AGL: variants seen among roughly 807,000 people sequenced by gnomAD.
The protein encoded by AGL is amylo-alpha-1,6-glucosidase and 4-alpha-glucanotransferase, also known as glycogen debranching enzyme.
A neutral mutation model predicts 199.3 loss-of-function variants in AGL; 128 were observed. The ratio of observed to expected loss-of-function variants is 0.64; its 90% CI spans 0.56 to 0.74. The LOEUF is 0.74. Among genes scored for constraint, AGL ranks in the 30% least tolerant of loss-of-function variants. The pLI is 0.00. For missense variants in AGL, 1,809 were observed against 1,820.8 expected (o/e 0.99, Z 0.12); for synonymous variants, 584 against 594.7 (o/e 0.98, Z 0.26).
intron 25 of AGL, among the ~76,000 whole-genome samples, chr1:99,896,731 G>GTT (rs1653355227): frequency 2.0e-5 from 3 of 152,120 alleles, no homozygotes; most frequent in Non-Finnish European, 2.9e-5. Flanking sequence ...AAGTCTTGAT[G>GTT]TTTCCCTCTA....
intron 5 of AGL, among the ~76,000 whole-genome samples, chr1:99,869,905 C>CT (rs1359583978): frequency 6.6e-6 from 1 of 152,154 alleles, no homozygotes; most frequent in African/African-American, 2.4e-5. Flanking sequence ...ATCCAACCTC[C>CT]ACTCCCACAA....
intron 17 of AGL, 26 bp downstream of exon 17, chr1:99,881,717 G>T: frequency 1.9e-6 from 3 of 1,580,760 alleles, no homozygotes; most frequent in Non-Finnish European, 2.6e-6. Flanking sequence ...AATTGTTACT[G>T]TATTTGTATT....
chr1:99,850,911 G>A (rs1571205842), intron 1 of AGL, 64 bp from the exon 2 acceptor site: 2 of 792,400 alleles, frequency 2.5e-6, no homozygotes, highest in East Asian at 4.9e-5. Flanking sequence ...AAGTGCCGCT[G>A]TCAGCTCTGG....
chr1:99,891,679 A>T lies in AGL; in HGVS notation c.3023A>T (p.Asp1008Val), dbSNP rs1024977757. 2 of 1,613,466 alleles carry T rather than the reference A, an allele frequency of 1.2e-6. No individual in the cohort carries two copies. Among genetic ancestry groups the T allele is most frequent in the Non-Finnish European group, 1.7e-6 (2 of 1,179,652 alleles). Reference sequence around the variant, plus strand: ...CGTTACCTTATCCCATGTTACTTTGATGCTATATTAATTGGTGCATATACC... The same window carrying T: ...CGTTACCTTATCCCATGTTACTTTGTTGCTATATTAATTGGTGCATATACC... The part of the protein sequence containing the change: ...IPRYLIPCYF[D>V]AILIGAYTTL... Residue 1008 changes from aspartate to valine, a missense_variant, in exon 23 of 34, where the codon GAT becomes GTT. Transcript: ENST00000361915.
Position 99,851,030 on chromosome 1 carries a change from T to C in AGL, c.-13T>C, listed in dbSNP as rs1441736190. On this transcript the variant is annotated 5_prime_UTR_variant, in exon 2 of 34. Transcript: ENST00000361915. ...AATTCTTATGAAAGATTTCAAATCC[T>C]CTAGAAGCCAAAATGGGACACAGTA... 2 of 1,610,672 alleles carry C rather than the reference T, an allele frequency of 1.2e-6. No individual in the cohort carries two copies. Among genetic ancestry groups the C allele is most frequent in the Admixed American group, 3.3e-5 (2 of 60,026 alleles).
chr1:99,891,780 T>G, intron 23 of AGL, 41 bp downstream of exon 23: 1 of 1,608,042 alleles, frequency 6.2e-7, no homozygotes, highest in Non-Finnish European at 8.5e-7. Flanking sequence ...ATATCTGTGT[T>G]GAAACTATAT....
chr1:99,852,734 T>A (rs754181466), intron 2 of AGL: 7 of 780,598 alleles, frequency 9.0e-6, no homozygotes, highest in Non-Finnish European at 1.7e-5. Context: ...TCTGTTCTTC[T>A]ACCTTTCTAG....
Position 99,862,286 on chromosome 1 carries a change from T to C in AGL, c.323T>C (p.Val108Ala). 1.2e-6 allele frequency: 2 copies of C among 1,614,134 alleles called. No homozygotes were observed. Among genetic ancestry groups the C allele is most frequent in the Admixed American group, 1.7e-5 (1 of 60,012 alleles). ...GNEKSGGGYI[V>A]VDPILRVGAD... The stretch of plus-strand genomic sequence containing the variant: ...GAGAAAAGTGGTGGAGGTTACATAG[T>C]TGTGGACCCCATTTTACGTGTTGGT... Residue 108 changes from valine (V) to alanine (A), a missense_variant, in exon 4 of 34, where the codon GTT (valine) becomes GCT (alanine). Transcript: ENST00000361915.
chr1:99,881,248 A>T, intron 15 of AGL, 44 bp from the exon 16 acceptor site: 5 of 1,613,854 alleles, frequency 3.1e-6, no homozygotes, highest in Non-Finnish European at 4.2e-6. Context: ...AAAAAAATTC[A>T]TTGTAATTAA....
In AGL at chr1:99,875,257, G is replaced by A. The variant is rs1057516948; in HGVS notation, c.1185+1G>A. 6.2e-7 allele frequency: 1 copy of A among 1,613,742 alleles called. No homozygotes were observed. Among genetic ancestry groups the A allele is most frequent in the Non-Finnish European group, 8.5e-7 (1 of 1,179,692 alleles). ...ACTCATTAACTATCATCAGGAACAG[G>A]TTTTACTTATTTTTGAACTGCTGCT... On this transcript the variant is annotated splice_donor_variant, in intron 9 of 33. Coordinates refer to ENST00000361915, the MANE Select transcript of AGL (RefSeq NM_000642.3). LOFTEE classifies it high-confidence loss of function.
rs752995564 is a variant in AGL, at chr1:99,881,314, G to C, written c.2024G>C (p.Arg675Pro). 1.2e-6 allele frequency: 2 copies of C among 1,613,886 alleles called. No individual in the cohort carries two copies. The highest frequency in any genetic ancestry group is 1.7e-6 in the Non-Finnish European group (2 of 1,179,978). Residue 675 changes from arginine to proline, a missense_variant, in exon 16 of 34, where the codon CGG becomes CCG. Coordinates refer to ENST00000361915, the MANE Select transcript of AGL (RefSeq NM_000642.3). ...CAGATTTCAGTGGTTTCTGAAGAAC[G>C]GTTTTACACTAAGTGGAATCCTGAA... is the stretch of plus-strand genomic sequence containing the variant. Reference protein sequence around the residue: ...PHQISVVSEERFYTKWNPEAL... With the variant: ...PHQISVVSEEPFYTKWNPEAL...
chr1:99,872,342 T>C (rs756668433), intron 7 of AGL, among the ~76,000 whole-genome samples: 11 of 152,124 alleles, frequency 7.2e-5, no homozygotes, highest in Non-Finnish European at 1.6e-4. Flanking sequence ...TTTACTTGCT[T>C]ATGTGAGTCA....
Position 99,913,305 on chromosome 1 carries a change from G to A in AGL, c.3950-222G>A, listed in dbSNP as rs140290423. Among the ~76,000 whole-genome samples the A allele has an allele frequency of 5.3e-5, 8 of 151,886 alleles. No individual in the cohort carries two copies. The East Asian group carries it at 1.5e-3, about 29-fold the overall frequency. On this transcript the variant is annotated intron_variant, in intron 29 of 33. Coordinates refer to ENST00000361915, the MANE Select transcript of AGL (RefSeq NM_000642.3). ...ATGTAATCAATATAAAATTATTCATGAGCTATTTTACATTCTTTTTGGGTG... is the reference window on the plus strand; with the variant it reads ...ATGTAATCAATATAAAATTATTCATAAGCTATTTTACATTCTTTTTGGGTG...
chr1:99,890,630 A>G (rs1225516255), intron 21 of AGL, among the ~76,000 whole-genome samples: 1 of 84,344 alleles, frequency 1.2e-5, no homozygotes. Context: ...ATTGAAGACT[A>G]GAAGGATTAA....
At chr1:99,916,367 T>C (rs368435371) in intron 31 of AGL, 43 bp from the exon 32 acceptor site, 33 of 1,419,806 alleles carry the variant, frequency 2.3e-5, no homozygotes, top group Non-Finnish European at 3.0e-5. Context: ...TTACATAATA[T>C]CTGATCATCT....
rs200824739 is a variant in AGL, at chr1:99,902,651, A to G, written c.3589-32A>G. 1.5e-5 allele frequency: 23 copies of G among 1,499,644 alleles called. No homozygotes were observed. In the East Asian group the frequency reaches 5.0e-4, roughly 32 times the overall value. 92.9% of individuals were successfully genotyped at this position (1,499,644 alleles called of 1,614,324 possible). A position where few individuals can be genotyped will look rare whatever the true frequency, so the allele number is the denominator to read the frequency against. ...GGAAAATAAGAAAAATGTAATTTCT[A>G]ACAGAGGTAACACCCATTATGTCTC... On this transcript the variant is annotated intron_variant, in intron 26 of 33. Transcript: ENST00000361915.
Position 99,916,463 on chromosome 1 carries a change from A to G in AGL, c.4313A>G (p.Asn1438Ser), listed in dbSNP as rs766592371. Reference protein sequence around the residue: ...YDNALDNDNYNLAKGFNYHQG... With the variant: ...YDNALDNDNYSLAKGFNYHQG... Reference sequence around the variant, plus strand: ...AATGCATTAGACAATGACAACTACAATCTTGCTAAAGGTTTCAATTATCAC... The same window carrying G: ...AATGCATTAGACAATGACAACTACAGTCTTGCTAAAGGTTTCAATTATCAC... The change falls in exon 32 of 34, where the codon AAT becomes AGT. Residue 1438 changes from asparagine to serine, a missense_variant. Asn to Ser is a conservative substitution (Grantham distance 46). Transcript: ENST00000361915. 1.5e-5 allele frequency: 24 copies of G among 1,612,674 alleles called. No homozygotes were observed. Among genetic ancestry groups the G allele is most frequent in the Admixed American group, 6.7e-5 (4 of 59,900 alleles).
chr1:99,853,658 C>T (rs1571210512), intron 2 of AGL, among the ~76,000 whole-genome samples: 2 of 152,176 alleles, frequency 1.3e-5, no homozygotes, highest in Non-Finnish European at 2.9e-5. Context: ...GAGGCTGAGG[C>T]TGGAGGACCA....
intron 2 of AGL, among the ~76,000 whole-genome samples, chr1:99,857,695 G>A (rs1190140123): frequency 1.3e-5 from 2 of 150,864 alleles, no homozygotes; most frequent in Middle Eastern, 3.4e-3. Flanking sequence ...GCCTGCAATC[G>A]CAGGCACTCG....
Sources: gnomAD v4.1 joint callset for allele counts (sites outside exome capture counted in the v4.1 genomes callset) on GRCh38, gnomAD v4.1.1 for gene constraint, MANE v1.5 for transcripts, NCBI Gene and HGNC (gene_info 2026-07-23, HGNC 2026-07-21) for gene names.